Variants in OPCML observed in about 807,000 individuals in gnomAD.
OPCML encodes the protein opioid binding protein/cell adhesion molecule like.
In OPCML, 13 loss-of-function variants were observed where a neutral mutation model predicts 37.8. That is an observed-to-expected ratio of 0.34 (90% CI 0.22 to 0.55). OPCML has a LOEUF of 0.55. Among genes scored for constraint, OPCML ranks in the 20% least tolerant of loss-of-function variants. OPCML has a pLI of 0.91. For synonymous variants in OPCML, 176 were observed against 168.8 expected (o/e 1.04, Z -0.33); for missense variants, 341 against 435.6 (o/e 0.78, Z 1.93).
chr11:132,945,779 T>G (rs1452628774), intron 1 of OPCML, among the ~76,000 whole-genome samples: 3 of 152,318 alleles, frequency 2.0e-5, no homozygotes, highest in Non-Finnish European at 2.9e-5. Flanking sequence ...TTTTTTCCAC[T>G]CTTTTTTGTT....
At chr11:133,429,507 T>C (rs369848679) in intron 1 of OPCML, among the ~76,000 whole-genome samples, 1 of 152,296 alleles carries the variant, frequency 6.6e-6, no homozygotes. Context: ...GTTTCTTTGT[T>C]AAAAATAGGC....
chr11:132,940,308 A>T (rs2136665614), intron 2 of OPCML, among the ~76,000 whole-genome samples: 1 of 152,332 alleles, frequency 6.6e-6, no homozygotes, highest in Non-Finnish European at 1.5e-5. Flanking sequence ...TTCAAGATTT[A>T]GAAACAGATT....
In OPCML at chr11:132,745,008, C is replaced by T. The variant is rs190110593; in HGVS notation, c.147-87689G>A. The stretch of plus-strand genomic sequence containing the variant: ...GCAGAGCAGGCAGCTCATCCAGGAA[C>T]CACACCCCTGGGAGAAATGTCTTTC... On this transcript the variant is annotated intron_variant, in intron 2 of 7. Coordinates refer to ENST00000524381, the MANE Select transcript of OPCML (RefSeq NM_001012393.5). Among the ~76,000 whole-genome samples, 37 of 151,458 alleles carry T rather than the reference C, an allele frequency of 2.4e-4. 1 individual carries two copies. The highest frequency in any genetic ancestry group is 2.4e-3 in the Admixed American group (37 of 15,284).
chr11:132,497,643 G>C lies in OPCML; in HGVS notation c.505+31418C>G, dbSNP rs1297768763. Among the ~76,000 whole-genome samples, 4 of 152,068 alleles carry C rather than the reference G, an allele frequency of 2.6e-5. No homozygotes were observed. The East Asian group carries it at 7.8e-4, about 30-fold the overall frequency. On this transcript the variant is annotated intron_variant, in intron 4 of 7. Transcript: ENST00000524381. ...GAGGTAATAACCAATACCATGCCCT[G>C]AAGTGGGAGTATTTTCCCTATGGTA...
chr11:132,937,202 C>T (rs187528900), intron 2 of OPCML, among the ~76,000 whole-genome samples: 11 of 152,138 alleles, frequency 7.2e-5, no homozygotes, highest in South Asian at 4.2e-4. Flanking sequence ...AACTGCCTGG[C>T]GGACCGGCTC....
chr11:132,971,236 T>C (rs1946336297), intron 1 of OPCML, among the ~76,000 whole-genome samples: 1 of 152,216 alleles, frequency 6.6e-6, no homozygotes, highest in South Asian at 2.1e-4. Context: ...TTTTGTTCTT[T>C]ATAATAGCTT....
intron 1 of OPCML, among the ~76,000 whole-genome samples, chr11:133,408,617 C>T (rs544150563): frequency 1.1e-3 from 173 of 152,284 alleles, no homozygotes; most frequent in African/African-American, 3.5e-3. Context: ...CACGACACCA[C>T]CCAGAGGCAG....
intron 1 of OPCML, among the ~76,000 whole-genome samples, chr11:133,076,715 T>TCAC (rs923794662): frequency 1.8e-4 from 28 of 151,540 alleles, no homozygotes; most frequent in African/African-American, 6.8e-4. Context: ...ATTGTCATCA[T>TCAC]CATCATCATC....
intron 4 of OPCML, among the ~76,000 whole-genome samples, chr11:132,521,907 T>C (rs777423696): frequency 2.6e-5 from 4 of 152,190 alleles, no homozygotes; most frequent in Non-Finnish European, 4.4e-5. Context: ...GTCACACATA[T>C]AGAGTCATAT....
chr11:133,385,361 G>C (rs2136792704), intron 1 of OPCML, among the ~76,000 whole-genome samples: 1 of 152,334 alleles, frequency 6.6e-6, no homozygotes, highest in Admixed American at 6.5e-5. Flanking sequence ...AGTGTTTGCT[G>C]TTTGAGTTCA....
intron 2 of OPCML, among the ~76,000 whole-genome samples, chr11:132,938,896 T>C (rs1591827862): frequency 6.6e-6 from 1 of 152,248 alleles, no homozygotes; most frequent in South Asian, 2.1e-4. Flanking sequence ...ATGTTTTCAA[T>C]GGCCACGTCC....
At chr11:132,916,092 T>C (rs989542352) in intron 2 of OPCML, among the ~76,000 whole-genome samples, 1 of 152,224 alleles carries the variant, frequency 6.6e-6, no homozygotes, top group Admixed American at 6.5e-5. Flanking sequence ...AAGTTTCATA[T>C]TTATATTAAT....
At chr11:132,592,770 G>T (rs567842431) in intron 3 of OPCML, among the ~76,000 whole-genome samples, 1 of 152,320 alleles carries the variant, frequency 6.6e-6, no homozygotes, top group South Asian at 2.1e-4. Flanking sequence ...ATCAAAGGAA[G>T]ACCCACCAAA....
At chr11:132,554,458 C>G (rs796469992) in intron 3 of OPCML, among the ~76,000 whole-genome samples, 7 of 152,302 alleles carry the variant, frequency 4.6e-5, no homozygotes, top group African/African-American at 1.7e-4. Context: ...CCAAAGCATT[C>G]AGAAGCCAGC....
intron 1 of OPCML, among the ~76,000 whole-genome samples, chr11:133,020,763 A>C (rs1947435809): frequency 6.6e-6 from 1 of 152,258 alleles, no homozygotes; most frequent in African/African-American, 2.4e-5. Flanking sequence ...ATGTTCAAAA[A>C]AATGACTTAA....
chr11:132,435,757 T>C (rs1291763133), intron 7 of OPCML, among the ~76,000 whole-genome samples: 10 of 152,218 alleles, frequency 6.6e-5, no homozygotes, highest in Admixed American at 6.5e-4. Context: ...AGACTCCAAC[T>C]ACAGAAGGCA....
chr11:133,073,390 C>A (rs1948573001), intron 1 of OPCML, among the ~76,000 whole-genome samples: 1 of 152,230 alleles, frequency 6.6e-6, no homozygotes, highest in African/African-American at 2.4e-5. Flanking sequence ...TGGTGGATTT[C>A]CATGGACCAG....
chr11:132,434,723 T>G (rs1258942510), intron 7 of OPCML, among the ~76,000 whole-genome samples: 3 of 152,114 alleles, frequency 2.0e-5, no homozygotes, highest in Admixed American at 2.0e-4. Context: ...TAAAATAAAG[T>G]TTTTAGAACT....
intron 3 of OPCML, among the ~76,000 whole-genome samples, chr11:132,590,424 CA>C (rs1170395339): frequency 1.3e-5 from 2 of 152,114 alleles, no homozygotes; most frequent in African/African-American, 4.8e-5. Flanking sequence ...ATGTCTGAAG[CA>C]GATCATTTAA....
Sources: gnomAD v4.1 joint callset for allele counts (sites outside exome capture counted in the v4.1 genomes callset) on GRCh38, gnomAD v4.1.1 for gene constraint, MANE v1.5 for transcripts, NCBI Gene and HGNC (gene_info 2026-07-23, HGNC 2026-07-21) for gene names.